SREK1: variants seen among roughly 807,000 people sequenced by gnomAD.
SREK1 encodes the protein splicing regulatory glutamine/lysine-rich protein 1.
Under a neutral mutation model 66.5 loss-of-function variants are expected in SREK1, and 13 were observed. The ratio of observed to expected loss-of-function variants is 0.20; its 90% CI spans 0.13 to 0.31. The LOEUF (loss-of-function observed/expected upper bound fraction) is 0.31, where lower values mean the gene tolerates loss of function less well. Among genes scored for constraint, SREK1 ranks in the 10% least tolerant of loss-of-function variants. SREK1 has a pLI of 1.00. For missense variants in SREK1, 607 were observed against 769.6 expected, an observed-to-expected ratio of 0.79 and a Z score of 2.50; for synonymous variants, 265 against 263.5, an observed-to-expected ratio of 1.01 and a Z score of -0.05.
rs1248616413 is a variant in SREK1, at chr5:66,163,896, C to T, written c.860C>T (p.Ser287Leu). The change falls in exon 6 of 12, where the codon TCA becomes TTA. Residue 287 changes from serine (S) to leucine (L), a missense_variant. By Grantham distance (145) the Ser-to-Leu change is moderately radical. Transcript: ENST00000334121. ...EVMKRVREAQ[S>L]FISAAIEPES... ...ATGAAGCGAGTACGAGAAGCTCAGT[C>T]ATTTATCTCAGCAGCTATTGAACCA... The T allele has an allele frequency of 6.2e-7, 1 of 1,613,468 alleles. No individual in the cohort carries two copies. The highest frequency in any genetic ancestry group is 2.2e-5 in the East Asian group (1 of 44,858).
At chr5:66,159,475 C>CT (rs201665610) in intron 3 of SREK1, 141 bp downstream of exon 3, 447 of 626,516 alleles carry the variant, frequency 7.1e-4, no homozygotes, top group African/African-American at 1.3e-3. Flanking sequence ...ACTGCTTAAA[C>CT]TTTTTTTTTC....
chr5:66,164,934 A>G (rs1281730523), intron 7 of SREK1, 37 bp downstream of exon 7: 1 of 1,549,452 alleles, frequency 6.5e-7, no homozygotes, highest in Non-Finnish European at 8.7e-7. Flanking sequence ...ATTTTATTTT[A>G]GTTTTGTATT....
At chr5:66,149,882 C>T (rs1172145465) in intron 1 of SREK1, among the ~76,000 whole-genome samples, 2 of 152,210 alleles carry the variant, frequency 1.3e-5, no homozygotes, top group East Asian at 3.8e-4. Flanking sequence ...GATTGTAGTA[C>T]AGCCAGGCCT....
chr5:66,149,532 A>G (rs1412942450), intron 1 of SREK1, among the ~76,000 whole-genome samples: 1 of 152,208 alleles, frequency 6.6e-6, no homozygotes. Context: ...CCAGACTCAG[A>G]ATTCCTATTC....
In SREK1 at chr5:66,164,915, C is replaced by T. The variant is rs768760604; in HGVS notation, c.1001+18C>T. 2.3e-5 allele frequency: 37 copies of T among 1,581,244 alleles called. No homozygotes were observed. The highest frequency in any genetic ancestry group is 2.9e-5 in the Non-Finnish European group (34 of 1,163,422). ...AAACACAGGTGAGAATTTCTGCTGT[C>T]ATATTTAAATTTTATTTTAGTTTTG... is the stretch of plus-strand genomic sequence containing the variant. On this transcript the variant is annotated intron_variant, in intron 7 of 11. Transcript: ENST00000334121.
rs941032012 is a variant in SREK1 at position 66,181,372 on chromosome 5, G to A, written c.*2504G>A. Reference sequence around the variant, plus strand: ...TCTCTGTTCACTTAAAAGAGCTCATGTTTTCATTTGTTTATTCTTTTCTTT... The same window carrying A: ...TCTCTGTTCACTTAAAAGAGCTCATATTTTCATTTGTTTATTCTTTTCTTT... On this transcript the variant is annotated 3_prime_UTR_variant, in exon 12 of 12. Transcript: ENST00000334121. The A allele has an allele frequency of 9.9e-5, 15 of 152,078 alleles. No individual in the cohort carries two copies. The highest frequency in any genetic ancestry group is 2.2e-4 in the Non-Finnish European group (15 of 67,996). The allele number at this position is 152,078 out of a possible 1,614,324, so 9.4% of individuals were successfully genotyped here. A position where few individuals can be genotyped will look rare whatever the true frequency, so the allele number is the denominator to read the frequency against.
At chr5:66,156,989 T>C (rs1015203431) in intron 2 of SREK1, 2 of 985,168 alleles carry the variant, frequency 2.0e-6, no homozygotes, top group African/African-American at 1.7e-5. Context: ...TTTATACTTT[T>C]ATAAGCTCTG....
rs1177246341 is a variant in SREK1 at position 66,174,968 on chromosome 5, A to G, written c.1507A>G (p.Arg503Gly). The G allele has an allele frequency of 6.2e-7, 1 of 1,613,036 alleles. No homozygotes were observed. Among genetic ancestry groups the G allele is most frequent in the Non-Finnish European group, 8.5e-7 (1 of 1,179,494 alleles). ...SSRERRRRRS[R>G]SSSRSPRTSK... The stretch of plus-strand genomic sequence containing the variant: ...CAGGGAAAGGCGTAGGAGGAGGAGC[A>G]GGAGTTCTTCCAGATCGCCAAGAAC... Residue 503 changes from arginine (R) to glycine (G), a missense_variant, in exon 10 of 12, where the codon AGG (arginine) becomes GGG (glycine). By Grantham distance (125) the Arg-to-Gly change is moderately radical (BLOSUM62 -2). This residue lies in a region of SREK1 where 318 missense variants were observed against 310.3 expected (regional missense o/e 1.02). Transcript: ENST00000334121.
chr5:66,153,989 G>T (rs1018542273), intron 2 of SREK1, among the ~76,000 whole-genome samples: 2 of 151,894 alleles, frequency 1.3e-5, no homozygotes, highest in Non-Finnish European at 2.9e-5. Context: ...GGCAAATTGG[G>T]GTTAAGTGAT....
At chr5:66,144,988 C>A (rs964286376) in intron 1 of SREK1, 2 of 987,196 alleles carry the variant, frequency 2.0e-6, no homozygotes, top group Non-Finnish European at 1.2e-6. Flanking sequence ...GTTTTGCTGA[C>A]GAGAAAGCCT....
rs1485062350 is a variant in SREK1 at position 66,182,251 on chromosome 5, G to C, written c.*3383G>C. On this transcript the variant is annotated 3_prime_UTR_variant, in exon 12 of 12. Transcript: ENST00000334121. ...TTCAACTGGTGCGTTACGAAGTAGA[G>C]CCATTCCCACAAAGTAAATGTGCAG... The C allele has an allele frequency of 6.6e-6, 1 of 152,068 alleles. No individual in the cohort carries two copies. Among genetic ancestry groups the C allele is most frequent in the Non-Finnish European group, 1.5e-5 (1 of 67,994 alleles). The allele number at this position is 152,068 out of a possible 1,614,324, so 9.4% of individuals were successfully genotyped here.
At position 66,175,529 on chromosome 5, in the gene SREK1, T is replaced by A. The variant is rs186500651; in HGVS notation, c.1580+488T>A. On this transcript the variant is annotated intron_variant, in intron 10 of 11. Transcript: ENST00000334121. ...TTTTTTGAATTTTTTTTACCATAAA[T>A]TATGTAATGCTGTAATGAATAGCTT... Among the ~76,000 whole-genome samples the A allele has an allele frequency of 2.5e-3, 387 of 152,302 alleles. 4 individuals carry two copies. The highest frequency in any genetic ancestry group is 9.0e-3 in the African/African-American group (373 of 41,566).
At chr5:66,146,004 ATCTT>A (rs1561490073) in intron 1 of SREK1, among the ~76,000 whole-genome samples, 1 of 151,878 alleles carries the variant, frequency 6.6e-6, no homozygotes, top group African/African-American at 2.4e-5. Context: ...GTATATATAT[ATCTT>A]TATATTCGTG....
chr5:66,162,074 A>G (rs1476141929), intron 3 of SREK1, 35 bp from the exon 4 acceptor site: 4 of 1,596,588 alleles, frequency 2.5e-6, no homozygotes, highest in Non-Finnish European at 2.6e-6. Flanking sequence ...AATAGAAAAT[A>G]TGTGTTCTGT....
intron 11 of SREK1, 77 bp from the exon 12 acceptor site, chr5:66,178,640 TAA>T (rs1196465334): frequency 1.4e-6 from 2 of 1,382,830 alleles, no homozygotes; most frequent in Middle Eastern, 1.9e-4. Flanking sequence ...TTGCAAAAGA[TAA>T]AGTTTCACAT....
chr5:66,164,472 C>T lies in SREK1; in HGVS notation c.887-311C>T. On this transcript the variant is annotated intron_variant, in intron 6 of 11. Transcript: ENST00000334121. Reference sequence around the variant, plus strand: ...ACACTTAGAATTTAAGCTTCAAATTCTAGCAGAATAAGTGGAGAAAGGACT... The same window carrying T: ...ACACTTAGAATTTAAGCTTCAAATTTTAGCAGAATAAGTGGAGAAAGGACT... 3.5e-6 allele frequency: 3 copies of T among 853,572 alleles called. No homozygotes were observed. The South Asian group carries it at 4.9e-5, about 14-fold the overall frequency. 52.9% of individuals were successfully genotyped at this position (853,572 alleles called of 1,614,324 possible).
intron 6 of SREK1, 24 bp downstream of exon 6, chr5:66,163,946 A>G (rs771375964): frequency 7.5e-6 from 12 of 1,606,148 alleles, no homozygotes; most frequent in Non-Finnish European, 8.5e-6. Flanking sequence ...GTTGTTACAT[A>G]GGTCATAGTT....
intron 1 of SREK1, among the ~76,000 whole-genome samples, chr5:66,152,852 A>G (rs1414658780): frequency 6.6e-6 from 1 of 152,208 alleles, no homozygotes; most frequent in Non-Finnish European, 1.5e-5. Context: ...CATTTTTAGT[A>G]TCGGCCTGCC....
chr5:66,151,597 C>G (rs1163328763), intron 1 of SREK1, among the ~76,000 whole-genome samples: 3 of 152,048 alleles, frequency 2.0e-5, no homozygotes, highest in Non-Finnish European at 2.9e-5. Flanking sequence ...GTGTAATATT[C>G]CAGCAGGCAC....
Sources: allele counts gnomAD v4.1 joint callset (sites outside exome capture counted in the v4.1 genomes callset), GRCh38; gene constraint gnomAD v4.1.1; regional missense constraint gnomAD v4.1.1; transcripts MANE v1.5; gene names NCBI Gene and HGNC (gene_info 2026-07-23, HGNC 2026-07-21).